The following IVD variants were observed in gnomAD, a reference collection of about 807,000 sequenced individuals.
IVD encodes the protein isovaleryl-CoA dehydrogenase, mitochondrial.
In IVD, 31 loss-of-function variants were observed where a neutral mutation model predicts 51.3. The ratio of observed to expected loss-of-function variants is 0.60; its 90% CI spans 0.45 to 0.81. The LOEUF (loss-of-function observed/expected upper bound fraction) is 0.81. Ranked by LOEUF, IVD falls within the 40% of genes least tolerant of loss-of-function variation. The pLI, the probability that IVD is intolerant of heterozygous loss-of-function variation, is 0.00. For synonymous variants in IVD, 205 were observed against 219.4 expected (o/e 0.93, Z 0.58); for missense variants, 475 against 552.0 (o/e 0.86, Z 1.40).
intron 8 of IVD, chr15:40,435,393 A>T (rs1386044932): frequency 1.8e-6 from 2 of 1,102,678 alleles, no homozygotes; most frequent in Non-Finnish European, 2.3e-6. Flanking sequence ...GGACAGCGCT[A>T]AAAGAGGGCT....
rs560244242 is a variant in IVD, at chr15:40,420,724, G to T, written c.*2461G>T. Reference sequence around the variant, plus strand: ...AAAACCGCCCCTTTGTTTTTAAAAAGATCAACACAATTTGACTTTCTCAAG... The same window carrying T: ...AAAACCGCCCCTTTGTTTTTAAAAATATCAACACAATTTGACTTTCTCAAG... On this transcript the variant is annotated 3_prime_UTR_variant, in exon 12 of 12. Coordinates refer to ENST00000487418, the MANE Select transcript of IVD (RefSeq NM_002225.5). The T allele has an allele frequency of 2.0e-6, 2 of 985,982 alleles. No homozygotes were observed. Among genetic ancestry groups the T allele is most frequent in the East Asian group, 2.3e-4 (2 of 8,814 alleles). The allele number at this position is 985,982 out of a possible 1,614,324, so 61.1% of individuals were successfully genotyped here. A position where few individuals can be genotyped will look rare whatever the true frequency, so the allele number is the denominator to read the frequency against.
chr15:40,422,045 C>A (rs562556000), downstream of IVD, among the ~76,000 whole-genome samples: 1 of 152,340 alleles, frequency 6.6e-6, no homozygotes, highest in East Asian at 1.9e-4. Context: ...CGCGCTTCTT[C>A]GAGCGCAGCA....
chr15:40,415,381 G>A lies in IVD; in HGVS notation c.879-20G>A. The A allele has an allele frequency of 2.5e-6, 4 of 1,608,760 alleles. No individual in the cohort carries two copies. The highest frequency in any genetic ancestry group is 3.4e-6 in the Non-Finnish European group (4 of 1,175,142). On this transcript the variant is annotated intron_variant, in intron 8 of 11. Coordinates refer to ENST00000487418, the MANE Select transcript of IVD (RefSeq NM_002225.5). ...GGTGGGATGAGGAGGTGCCCACGGG[G>A]CCTTTCTCCTTTCTGACAGGCTCAT...
At chr15:40,409,609 A>C (rs1890832507) in intron 3 of IVD, among the ~76,000 whole-genome samples, 1 of 152,096 alleles carries the variant, frequency 6.6e-6, no homozygotes, top group Admixed American at 6.5e-5. Flanking sequence ...CAGAGTGAAC[A>C]TGTGTATAGG....
downstream of IVD, among the ~76,000 whole-genome samples, chr15:40,425,207 C>T (rs2141410602): frequency 6.6e-6 from 1 of 152,282 alleles, no homozygotes; most frequent in African/African-American, 2.4e-5. Context: ...TATACATGCA[C>T]ATATGCAGTG....
At chr15:40,406,803 T>C (rs1890471297) in intron 1 of IVD, among the ~76,000 whole-genome samples, 1 of 151,922 alleles carries the variant, frequency 6.6e-6, no homozygotes, top group Non-Finnish European at 1.5e-5. Flanking sequence ...CCACCTCAAG[T>C]GGAAAGGGTT....
At chr15:40,407,374 T>C (rs772321670) in intron 1 of IVD, among the ~76,000 whole-genome samples, 8 of 152,212 alleles carry the variant, frequency 5.3e-5, no homozygotes, top group Non-Finnish European at 7.3e-5. Flanking sequence ...GAGAAGCTTG[T>C]GTTTTATTCT....
Position 40,418,392 on chromosome 15 carries a change from T to A in IVD, c.*129T>A. ...CTGCTCTTGTCAGCCCTCTGGCCTCTGGATGAGGTTGAGTTCTCCACAACA... is the reference window on the plus strand; with the variant it reads ...CTGCTCTTGTCAGCCCTCTGGCCTCAGGATGAGGTTGAGTTCTCCACAACA... On this transcript the variant is annotated 3_prime_UTR_variant, in exon 12 of 12. Transcript: ENST00000487418. 6.3e-7 allele frequency: 1 copy of A among 1,578,950 alleles called. No homozygotes were observed. The highest frequency in any genetic ancestry group is 2.3e-5 in the East Asian group (1 of 43,920).
intron 3 of IVD, among the ~76,000 whole-genome samples, chr15:40,410,048 G>A (rs1890893983): frequency 1.3e-5 from 2 of 152,040 alleles, no homozygotes; most frequent in South Asian, 2.1e-4. Context: ...GTGTTAGCCA[G>A]GATGGTCTTG....
downstream of IVD, among the ~76,000 whole-genome samples, chr15:40,423,255 T>C (rs910559029): frequency 1.1e-4 from 16 of 152,228 alleles, no homozygotes; most frequent in African/African-American, 2.4e-5. Flanking sequence ...TTTTTGTATA[T>C]GCTTTATGTT....
At chr15:40,416,590 G>A (rs993453959) in intron 11 of IVD, among the ~76,000 whole-genome samples, 2 of 152,146 alleles carry the variant, frequency 1.3e-5, no homozygotes, top group Non-Finnish European at 2.9e-5. Flanking sequence ...CCAGCTACTT[G>A]GGAGGCTGAG....
downstream of IVD, among the ~76,000 whole-genome samples, chr15:40,428,338 A>G (rs1227752614): frequency 6.6e-6 from 1 of 151,920 alleles, no homozygotes; most frequent in Non-Finnish European, 1.5e-5. Flanking sequence ...ATTGAGATCC[A>G]GCCAGTTCCA....
At chr15:40,415,024 T>G in intron 8 of IVD, 42 bp downstream of exon 8, 1 of 1,607,284 alleles carries the variant, frequency 6.2e-7, no homozygotes, top group Non-Finnish European at 8.5e-7. Context: ...TCTGTCGGCC[T>G]CCTCGGCAGG....
Position 40,418,116 on chromosome 15 carries a change from A to G in IVD, c.1139-14A>G, listed in dbSNP as rs780861198. ...AATCACTTCCTTTCTTCTCTGCCCAAACCCTGGTTGCAGGTGGCAATGGCT... is the reference window on the plus strand; with the variant it reads ...AATCACTTCCTTTCTTCTCTGCCCAGACCCTGGTTGCAGGTGGCAATGGCT... On this transcript the variant is annotated splice_polypyrimidine_tract_variant and intron_variant, in intron 11 of 11. Transcript: ENST00000487418. The G allele has an allele frequency of 6.2e-7, 1 of 1,613,920 alleles. No homozygotes were observed. The highest frequency in any genetic ancestry group is 1.1e-5 in the South Asian group (1 of 91,066).
At position 40,418,633 on chromosome 15, in the gene IVD, G is replaced by A; in HGVS notation, c.*370G>A. ...TCCCAGGGTAGGCACCTGGGGGCATGCAGGTACCCACCTCTTTCTCTTGGG... is the reference window on the plus strand; with the variant it reads ...TCCCAGGGTAGGCACCTGGGGGCATACAGGTACCCACCTCTTTCTCTTGGG... On this transcript the variant is annotated 3_prime_UTR_variant, in exon 12 of 12. Coordinates refer to ENST00000487418, the MANE Select transcript of IVD (RefSeq NM_002225.5). 1 of 1,132,298 alleles carries A rather than the reference G, an allele frequency of 8.8e-7. No individual in the cohort carries two copies. Among genetic ancestry groups the A allele is most frequent in the Non-Finnish European group, 1.1e-6 (1 of 913,868 alleles). The allele number at this position is 1,132,298 out of a possible 1,614,324, so 70.1% of individuals were successfully genotyped here. A position where few individuals can be genotyped will look rare whatever the true frequency, so the allele number is the denominator to read the frequency against.
Position 40,407,747 on chromosome 15 carries a change from G to T in IVD, c.234+22G>T, listed in dbSNP as rs755349249. ...GCGAGTGAGTTGGGAGGTCCGGGCA[G>T]TCGGGGGCAGTCAGGGAGTGGGGCT... On this transcript the variant is annotated intron_variant, in intron 2 of 11. Transcript: ENST00000487418. 2.5e-6 allele frequency: 4 copies of T among 1,601,888 alleles called. No homozygotes were observed. The East Asian group carries it at 8.9e-5, about 36-fold the overall frequency.
chr15:40,418,012 C>G, intron 11 of IVD, 118 bp from the exon 12 acceptor site: 1 of 1,449,036 alleles, frequency 6.9e-7, no homozygotes, highest in Non-Finnish European at 9.4e-7. Context: ...CTACCTTTTG[C>G]TGCTTTTCTT....
intron 1 of IVD, 104 bp from the exon 2 acceptor site, chr15:40,407,532 G>A (rs1234556741): frequency 5.9e-6 from 5 of 846,934 alleles, no homozygotes; most frequent in African/African-American, 1.7e-5. Context: ...CTCAGTTTCA[G>A]TCTGATGCTG....
At chr15:40,415,140 T>A in intron 8 of IVD, 158 bp downstream of exon 8, 1 of 861,302 alleles carries the variant, frequency 1.2e-6, no homozygotes, top group South Asian at 1.6e-5. Context: ...CTTCCCATGT[T>A]GAATTTCTTC....
Sources: gnomAD v4.1 joint callset for allele counts (sites outside exome capture counted in the v4.1 genomes callset) on GRCh38, gnomAD v4.1.1 for gene constraint, MANE v1.5 for transcripts, NCBI Gene and HGNC (gene_info 2026-07-23, HGNC 2026-07-21) for gene names.